DKK3: variants seen among roughly 807,000 people sequenced by gnomAD.
The protein encoded by DKK3 is dickkopf Wnt signaling pathway inhibitor 3.
DKK3 carries 22 observed loss-of-function variants against 33.2 expected under a neutral mutation model. The ratio of observed to expected loss-of-function variants is 0.66; its 90% CI spans 0.47 to 0.95. The LOEUF (loss-of-function observed/expected upper bound fraction) is 0.95, where lower values mean the gene tolerates loss of function less well. Among genes scored for constraint, DKK3 ranks in the 40% least tolerant of loss-of-function variants. The pLI, the probability that DKK3 is intolerant of heterozygous loss-of-function variation, is 0.00. For synonymous variants in DKK3, 194 were observed against 188.8 expected, an observed-to-expected ratio of 1.03 and a Z score of -0.23; for missense variants, 398 against 458.4, an observed-to-expected ratio of 0.87 and a Z score of 1.20.
At chr11:12,002,951 G>A (rs996608157) in intron 1 of DKK3, among the ~76,000 whole-genome samples, 4 of 152,196 alleles carry the variant, frequency 2.6e-5, no homozygotes, top group Admixed American at 6.5e-5. Context: ...TAACATCCTA[G>A]CAATGAAAGT....
At chr11:11,964,786 A>T in intron 6 of DKK3, 100 bp from the exon 7 acceptor site, 1 of 1,529,070 alleles carries the variant, frequency 6.5e-7, no homozygotes, top group Non-Finnish European at 8.8e-7. Context: ...CCTCACCTTC[A>T]TGCCCCCTCC....
At chr11:11,996,217 A>G (rs1275296813) in intron 3 of DKK3, among the ~76,000 whole-genome samples, 1 of 152,202 alleles carries the variant, frequency 6.6e-6, no homozygotes, top group Non-Finnish European at 1.5e-5. Flanking sequence ...AACCGTAAAA[A>G]TCATTAAATT....
At chr11:11,990,295 C>T (rs1848161241) in intron 3 of DKK3, among the ~76,000 whole-genome samples, 1 of 152,248 alleles carries the variant, frequency 6.6e-6, no homozygotes, top group Admixed American at 6.5e-5. Flanking sequence ...AATGAGAGTT[C>T]AAGTTCAATT....
chr11:11,988,817 A>T (rs1341847379), intron 3 of DKK3, among the ~76,000 whole-genome samples: 1 of 152,236 alleles, frequency 6.6e-6, no homozygotes, highest in Non-Finnish European at 1.5e-5. Context: ...AGGCCTAGGG[A>T]AAGTTTTCAG....
At chr11:11,974,748 C>T (rs1034431287) in intron 3 of DKK3, among the ~76,000 whole-genome samples, 2 of 152,088 alleles carry the variant, frequency 1.3e-5, no homozygotes, top group African/African-American at 2.4e-5. Context: ...AAAAGAATAA[C>T]AGAAAGTTAG....
At chr11:11,979,009 A>G (rs2135030632) in intron 3 of DKK3, 1 of 152,368 alleles carries the variant, frequency 6.6e-6, no homozygotes, top group African/African-American at 2.4e-5. Context: ...GGGGTCCGGG[A>G]TCCAAAAAGA....
intron 3 of DKK3, among the ~76,000 whole-genome samples, chr11:11,982,284 G>T (rs1305167243): frequency 1.3e-5 from 2 of 151,952 alleles, no homozygotes; most frequent in East Asian, 3.9e-4. Context: ...CCTCCTAGGG[G>T]AGATGACAGG....
At chr11:12,001,319 C>G (rs1423556469) in intron 2 of DKK3, among the ~76,000 whole-genome samples, 1 of 152,202 alleles carries the variant, frequency 6.6e-6, no homozygotes, top group African/African-American at 2.4e-5. Context: ...GAGCCCATTA[C>G]GATGCAGTGG....
chr11:11,993,532 C>T (rs1368499337), intron 3 of DKK3, among the ~76,000 whole-genome samples: 1 of 152,022 alleles, frequency 6.6e-6, no homozygotes, highest in East Asian at 1.9e-4. Flanking sequence ...ACTTAATATA[C>T]CAGGTAGCAG....
intron 3 of DKK3, among the ~76,000 whole-genome samples, chr11:11,982,917 C>T (rs186402937): frequency 5.9e-5 from 9 of 152,284 alleles, no homozygotes; most frequent in Non-Finnish European, 1.2e-4. Context: ...GGACTGTTCA[C>T]GGGATTGGTT....
rs1467938236 is a variant in DKK3 at position 11,968,449 on chromosome 11, G to A, written c.474C>T (p.Tyr158=). 2 of 1,613,352 alleles carry A rather than the reference G, an allele frequency of 1.2e-6. No homozygotes were observed. Among genetic ancestry groups the A allele is most frequent in the African/African-American group, 2.7e-5 (2 of 74,902 alleles). ...TGTACTGGAAGCTGGCAAACTGGCAGTACATGCTGGGCCCACAGTCCTCGT... is the reference window on the plus strand; with the variant it reads ...TGTACTGGAAGCTGGCAAACTGGCAATACATGCTGGGCCCACAGTCCTCGT... ...IIDEDCGPSM[Y]CQFASFQYTC... The change falls in exon 4 of 7, where the codon TAC becomes TAT. Residue 158 remains tyrosine (Y), a synonymous_variant. Coordinates refer to ENST00000683431, the MANE Select transcript of DKK3 (RefSeq NM_001018057.2).
chr11:11,987,868 T>C (rs1038908), intron 3 of DKK3, among the ~76,000 whole-genome samples: 91,959 of 152,094 alleles, frequency 0.6, 28,246 homozygotes, highest in East Asian at 0.86. Context: ...AAAATAAACA[T>C]ATTTACTGAT....
chr11:11,980,555 T>C (rs1590519959), intron 3 of DKK3, among the ~76,000 whole-genome samples: 3 of 152,182 alleles, frequency 2.0e-5, no homozygotes, highest in Admixed American at 6.5e-5. Context: ...TTTTGGCCCA[T>C]GCTTTTAGAA....
rs1000579917 is a variant in DKK3 at position 11,968,405 on chromosome 11, C to A, written c.518G>T (p.Gly173Val). ...CCCTGGCATACTCACCATCCTCTGG[C>A]CCCGGCATGGCTGGCAGGTGTACTG... ...SFQYTCQPCR[G>V]QRMLCTRDSE... The change falls in exon 4 of 7, where the codon GGC becomes GTC. Residue 173 changes from glycine to valine, a missense_variant. Physicochemically the swap from Gly to Val is moderately radical, Grantham distance 109. Transcript: ENST00000683431. 2 of 1,612,530 alleles carry A rather than the reference C, an allele frequency of 1.2e-6. No homozygotes were observed. The highest frequency in any genetic ancestry group is 2.2e-5 in the East Asian group (1 of 44,782).
chr11:11,987,996 G>T (rs1590532073), intron 3 of DKK3, among the ~76,000 whole-genome samples: 1 of 152,142 alleles, frequency 6.6e-6, no homozygotes, highest in Admixed American at 6.5e-5. Flanking sequence ...TCCAGACATG[G>T]CCTCCTACTT....
In DKK3 at chr11:11,964,459, C is replaced by G. The variant is rs115387703; in HGVS notation, c.*5G>C. On this transcript the variant is annotated 3_prime_UTR_variant, in exon 7 of 7. Transcript: ENST00000683431. ...TTGCACATCTACCCACAGCCTGGTC[C>G]AGATCTAAATCTCTTCCCCTCCCAG... 1.9e-4 allele frequency: 303 copies of G among 1,609,662 alleles called. 2 individuals are homozygous for G. In the African/African-American group the frequency reaches 3.9e-3, roughly 20 times the overall value.
At chr11:11,971,434 G>A (rs1465488583) in intron 3 of DKK3, among the ~76,000 whole-genome samples, 1 of 152,200 alleles carries the variant, frequency 6.6e-6, no homozygotes, top group Non-Finnish European at 1.5e-5. Context: ...CCTGTGCCCA[G>A]TACTGTGGCT....
rs111980596 is a variant in DKK3, at chr11:11,968,476, G to A, written c.447C>T (p.Ile149=). The change falls in exon 4 of 7, where the codon ATC becomes ATT. Residue 149 remains isoleucine, a synonymous_variant. Coordinates refer to ENST00000683431, the MANE Select transcript of DKK3 (RefSeq NM_001018057.2). ...EEGRRSHECI[I]DEDCGPSMYC... is the part of the protein sequence containing the mutation. ...ACATGCTGGGCCCACAGTCCTCGTCGATGATGCACTCCTGGGGAAGGGCAC... is the reference window on the plus strand; with the variant it reads ...ACATGCTGGGCCCACAGTCCTCGTCAATGATGCACTCCTGGGGAAGGGCAC... 73 of 1,613,068 alleles carry A rather than the reference G, an allele frequency of 4.5e-5. No individual in the cohort carries two copies. In the African/African-American group the frequency reaches 7.2e-4, roughly 16 times the overall value.
chr11:11,997,092 G>C (rs1386824135), intron 3 of DKK3, among the ~76,000 whole-genome samples: 1 of 152,246 alleles, frequency 6.6e-6, no homozygotes, highest in Admixed American at 6.5e-5. Flanking sequence ...CGTTGAAAGG[G>C]TGGAGGGGGC....
Sources: allele counts gnomAD v4.1 joint callset (sites outside exome capture counted in the v4.1 genomes callset), GRCh38; gene constraint gnomAD v4.1.1; transcripts MANE v1.5; gene names NCBI Gene and HGNC (gene_info 2026-07-23, HGNC 2026-07-21).